The following IL1RAPL1 variants were observed in gnomAD, a reference collection of about 807,000 sequenced individuals.
IL1RAPL1 encodes the protein interleukin-1 receptor accessory protein-like 1.
A neutral mutation model predicts 48.4 loss-of-function variants in IL1RAPL1; 3 were observed. The ratio of observed to expected loss-of-function variants is 0.06; its 90% CI spans 0.03 to 0.16. The LOEUF (loss-of-function observed/expected upper bound fraction) is 0.16, where lower values mean the gene tolerates loss of function less well. Ranked by LOEUF, IL1RAPL1 falls within the 10% of genes least tolerant of loss-of-function variation. The pLI is 1.00. For synonymous variants in IL1RAPL1, 185 were observed against 187.7 expected, an observed-to-expected ratio of 0.99 and a Z score of 0.12; for missense variants, 349 against 530.6, an observed-to-expected ratio of 0.66 and a Z score of 3.36.
intron 6 of IL1RAPL1, among the ~76,000 whole-genome samples, chrX:29,908,052 C>CATATATGTATATATA (rs1932677321): frequency 9.0e-6 from 1 of 110,833 alleles, no homozygotes; most frequent in Non-Finnish European, 1.9e-5. Flanking sequence ...TATAGCTAAA[C>CATATATGTATATATA]TGTAAGTACA....
At chrX:29,668,593 G>A (rs752068988) in intron 6 of IL1RAPL1, 89 bp downstream of exon 6, 63 of 663,961 alleles carry the variant, frequency 9.5e-5, no homozygotes, top group Admixed American at 3.6e-4. Flanking sequence ...TGTAATACTC[G>A]CAGCTAAATC....
intron 6 of IL1RAPL1, among the ~76,000 whole-genome samples, chrX:29,670,419 C>T (rs1215192307): frequency 8.9e-6 from 1 of 111,859 alleles, no homozygotes; most frequent in African/African-American, 3.2e-5. Context: ...GTCTCTTTAA[C>T]CACTGACTAA....
chrX:28,863,373 C>T (rs1291940070), intron 2 of IL1RAPL1, among the ~76,000 whole-genome samples: 2 of 105,887 alleles, frequency 1.9e-5, no homozygotes, highest in Non-Finnish European at 3.8e-5. Context: ...TCCAATAAAC[C>T]TTGATTTACA....
intron 5 of IL1RAPL1, among the ~76,000 whole-genome samples, chrX:29,589,463 T>C (rs1415465532): frequency 9.0e-6 from 1 of 111,144 alleles, no homozygotes; most frequent in Admixed American, 9.6e-5. Context: ...AGGTATTCTT[T>C]ATGATCTCAG....
intron 1 of IL1RAPL1, among the ~76,000 whole-genome samples, chrX:28,686,549 A>T (rs978423045): frequency 8.9e-6 from 1 of 111,858 alleles, no homozygotes; most frequent in African/African-American, 3.2e-5. Context: ...TGACACCCAT[A>T]TACTCTTTCA....
chrX:29,584,627 C>T (rs920067034), intron 5 of IL1RAPL1, among the ~76,000 whole-genome samples: 1 of 111,481 alleles, frequency 9.0e-6, no homozygotes, highest in Non-Finnish European at 1.9e-5. Flanking sequence ...GATCATGGCT[C>T]ACTGCAGCAT....
intron 8 of IL1RAPL1, among the ~76,000 whole-genome samples, chrX:29,925,874 GGCTATTGATT>G (rs1434444290): frequency 8.9e-6 from 1 of 112,271 alleles, no homozygotes; most frequent in Non-Finnish European, 1.9e-5. Flanking sequence ...ATTCCAACAA[GGCTATTGATT>G]GCCACCAAAG....
intron 2 of IL1RAPL1, among the ~76,000 whole-genome samples, chrX:28,866,704 T>C (rs1341665223): frequency 1.8e-5 from 2 of 111,548 alleles, no homozygotes; most frequent in Non-Finnish European, 3.8e-5. Context: ...CTGTATTTTA[T>C]TACCACCTCT....
At chrX:29,440,028 TGTG>T (rs1934530109) in intron 5 of IL1RAPL1, among the ~76,000 whole-genome samples, 1 of 103,837 alleles carries the variant, frequency 9.6e-6, no homozygotes, top group South Asian at 4.2e-4. Flanking sequence ...TGTGTGTGAA[TGTG>T]GTAAAACATC....
At chrX:28,965,970 C>T (rs930637414) in intron 2 of IL1RAPL1, among the ~76,000 whole-genome samples, 4 of 111,320 alleles carry the variant, frequency 3.6e-5, no homozygotes, top group Non-Finnish European at 7.6e-5. Flanking sequence ...TCACGAAGCC[C>T]TTTTAATTCT....
At chrX:29,045,770 G>T (rs778213214) in intron 2 of IL1RAPL1, among the ~76,000 whole-genome samples, 1 of 111,866 alleles carries the variant, frequency 8.9e-6, no homozygotes, top group Admixed American at 9.5e-5. Flanking sequence ...CTAGTTTTTT[G>T]TTGTTGTTGT....
intron 6 of IL1RAPL1, among the ~76,000 whole-genome samples, chrX:29,779,949 C>A (rs1225816585): frequency 1.8e-5 from 2 of 111,028 alleles, no homozygotes; most frequent in Non-Finnish European, 3.8e-5. Context: ...TGTTTAGTTC[C>A]TAGGAGAAAG....
chrX:28,827,404 G>T (rs1298175668), intron 2 of IL1RAPL1, among the ~76,000 whole-genome samples: 2 of 110,880 alleles, frequency 1.8e-5, no homozygotes, highest in East Asian at 5.7e-4. Flanking sequence ...TTACAGATGG[G>T]ACTAAAAATA....
intron 2 of IL1RAPL1, among the ~76,000 whole-genome samples, chrX:29,075,358 A>T (rs1927648262): frequency 9.0e-6 from 1 of 111,668 alleles, no homozygotes; most frequent in Non-Finnish European, 1.9e-5. Context: ...ATAAATAGAA[A>T]CAGCTCACAG....
intron 5 of IL1RAPL1, among the ~76,000 whole-genome samples, chrX:29,446,089 C>T (rs1020434430): frequency 8.9e-6 from 1 of 111,817 alleles, no homozygotes; most frequent in African/African-American, 3.2e-5. Flanking sequence ...GAAAACAGTA[C>T]AGTTGTCCAA....
At chrX:29,462,152 ACTT>A (rs1934810442) in intron 5 of IL1RAPL1, among the ~76,000 whole-genome samples, 1 of 105,498 alleles carries the variant, frequency 9.5e-6, no homozygotes, top group South Asian at 3.9e-4. Flanking sequence ...TATAAGTAAA[ACTT>A]TTTTTTTGCA....
intron 3 of IL1RAPL1, among the ~76,000 whole-genome samples, chrX:29,322,253 TTC>T (rs748706158): frequency 1.8e-5 from 2 of 109,179 alleles, no homozygotes; most frequent in African/African-American, 3.3e-5. Flanking sequence ...GTCTTTCTCT[TTC>T]TCTCTCTCTC....
chrX:29,252,276 G>GAAAAAAAAAAAAAAAA (rs1208250005), intron 2 of IL1RAPL1, among the ~76,000 whole-genome samples: 3 of 47,594 alleles, frequency 6.3e-5, no homozygotes, highest in Non-Finnish European at 1.2e-4. Context: ...AATAGTAAAA[G>GAAAAAAAAAAAAAAAA]AAAAAAGAAA....
At chrX:29,719,133 A>G (rs916674177) in intron 6 of IL1RAPL1, among the ~76,000 whole-genome samples, 2 of 111,094 alleles carry the variant, frequency 1.8e-5, no homozygotes, top group African/African-American at 6.6e-5. Context: ...ATTTAGTAAG[A>G]TCTTTTGGTT....
Sources: gnomAD v4.1 joint callset for allele counts (sites outside exome capture counted in the v4.1 genomes callset) on GRCh38, gnomAD v4.1.1 for gene constraint, MANE v1.5 for transcripts, NCBI Gene and HGNC (gene_info 2026-07-23, HGNC 2026-07-21) for gene names.